The following APIP variants were observed in gnomAD, a reference collection of about 807,000 sequenced individuals.
APIP encodes the protein APAF1 interacting protein.
APIP carries 32 observed loss-of-function variants against 32.0 expected under a neutral mutation model. The ratio of observed to expected loss-of-function variants is 1.00; its 90% CI spans 0.76 to 1.34. APIP has a LOEUF of 1.34. Among genes scored for constraint, APIP ranks in the 40% most tolerant of loss-of-function variants. The pLI is 0.00. For synonymous variants in APIP, 92 were observed against 94.8 expected (o/e 0.97, Z 0.17); for missense variants, 247 against 298.6 (o/e 0.83, Z 1.27).
At chr11:34,885,216 T>G (rs1325316442) in intron 5 of APIP, among the ~76,000 whole-genome samples, 1 of 148,270 alleles carries the variant, frequency 6.7e-6, no homozygotes, top group Non-Finnish European at 1.5e-5. Flanking sequence ...ATATGTATAT[T>G]ATATATGTAT....
At chr11:34,899,999 G>GA (rs993811628) in intron 1 of APIP, among the ~76,000 whole-genome samples, 6 of 152,176 alleles carry the variant, frequency 3.9e-5, no homozygotes, top group African/African-American at 7.2e-5. Context: ...AGACTTTGAA[G>GA]AAAAAATGCC....
chr11:34,885,028 A>G (rs1853039582), intron 5 of APIP, among the ~76,000 whole-genome samples: 1 of 150,700 alleles, frequency 6.6e-6, no homozygotes, highest in Non-Finnish European at 1.5e-5. Flanking sequence ...ATTGCTTCTG[A>G]AAGGGAGTAC....
intron 1 of APIP, among the ~76,000 whole-genome samples, chr11:34,904,788 A>G (rs1337597022): frequency 6.6e-6 from 1 of 152,230 alleles, no homozygotes; most frequent in Non-Finnish European, 1.5e-5. Context: ...CGACTCCTGG[A>G]TACATTATAT....
chr11:34,906,139 G>A (rs74522193), intron 1 of APIP, among the ~76,000 whole-genome samples: 1,616 of 151,772 alleles, frequency 0.011, 14 homozygotes, highest in African/African-American at 0.017. Context: ...CCACAATTTA[G>A]AACTGTCTCT....
At chr11:34,902,946 C>T (rs1038838923) in intron 1 of APIP, among the ~76,000 whole-genome samples, 3 of 151,932 alleles carry the variant, frequency 2.0e-5, no homozygotes, top group African/African-American at 7.3e-5. Flanking sequence ...CTCTACTGGT[C>T]CCAGAAGCCT....
rs115059916 is a variant in APIP at position 34,899,872 on chromosome 11, G to T, written c.58-4762C>A. Reference sequence around the variant, plus strand: ...TCCACCCTGGGTCATATACAGAAAGGAAGGAGACTAAAAGGACACTTTTAT... The same window carrying T: ...TCCACCCTGGGTCATATACAGAAAGTAAGGAGACTAAAAGGACACTTTTAT... On this transcript the variant is annotated intron_variant, in intron 1 of 6. Transcript: ENST00000395787. Among the ~76,000 whole-genome samples the T allele has an allele frequency of 2.9e-3, 443 of 152,346 alleles. 2 individuals are homozygous for T. The highest frequency in any genetic ancestry group is 0.01 in the African/African-American group (429 of 41,572).
In APIP at chr11:34,909,052, G is replaced by A. The variant is rs187755118; in HGVS notation, c.57+7176C>T. On this transcript the variant is annotated intron_variant, in intron 1 of 6. Transcript: ENST00000395787. ...CAGTGGTCAAGAAAGCAAAAGCCCA[G>A]AAGAGCAGGGAGGCTGCTGAAAGAG... is the stretch of plus-strand genomic sequence containing the variant. Among the ~76,000 whole-genome samples, 364 of 152,324 alleles carry A rather than the reference G, an allele frequency of 2.4e-3. 1 individual carries two copies. The highest frequency in any genetic ancestry group is 8.3e-3 in the African/African-American group (343 of 41,572).
chr11:34,885,206 ATATG>A (rs1486778767), intron 5 of APIP, among the ~76,000 whole-genome samples: 1 of 148,232 alleles, frequency 6.7e-6, no homozygotes, highest in Non-Finnish European at 1.5e-5. Flanking sequence ...ATATAACTAT[ATATG>A]TATATTATAT....
intron 1 of APIP, among the ~76,000 whole-genome samples, chr11:34,902,001 C>A (rs777478865): frequency 1.1e-4 from 16 of 152,146 alleles, no homozygotes; most frequent in Non-Finnish European, 4.4e-5. Flanking sequence ...AGTGCAGAAG[C>A]CCAGTGGGGA....
rs752124751 is a variant in APIP, at chr11:34,895,028, C to T, written c.140G>A (p.Gly47Glu). The change falls in exon 2 of 7, where the codon GGA (glycine) becomes GAA (glutamate). Residue 47 changes from glycine (G) to glutamate (E), a missense_variant. Transcript: ENST00000395787. ...AACTTACCCATGCTTCAAGCTAATT[C>T]CTCCTCCAGTCCCAGTGACCCAGCC... ...HLGWVTGTGGGISLKHGDEIY... is the reference protein window; with the variant it reads ...HLGWVTGTGGEISLKHGDEIY... The T allele has an allele frequency of 6.2e-7, 1 of 1,614,030 alleles. No homozygotes were observed. Among genetic ancestry groups the T allele is most frequent in the Non-Finnish European group, 8.5e-7 (1 of 1,179,912 alleles).
intron 1 of APIP, among the ~76,000 whole-genome samples, chr11:34,910,136 A>G (rs907505518): frequency 1.3e-5 from 2 of 152,366 alleles, no homozygotes; most frequent in South Asian, 4.1e-4. Flanking sequence ...GCAAGGCCAG[A>G]CAACAAAGTT....
chr11:34,904,656 A>T (rs1364343603), intron 1 of APIP, among the ~76,000 whole-genome samples: 4 of 152,184 alleles, frequency 2.6e-5, no homozygotes, highest in African/African-American at 9.6e-5. Context: ...ACCTCTGTTT[A>T]ACCCAGGAGA....
chr11:34,903,740 T>G (rs764714982), intron 1 of APIP, among the ~76,000 whole-genome samples: 15 of 152,088 alleles, frequency 9.9e-5, no homozygotes, highest in Admixed American at 7.2e-4. Context: ...GAAGGCTCCA[T>G]AAGAGAAATT....
At chr11:34,900,277 A>C (rs373941003) in intron 1 of APIP, among the ~76,000 whole-genome samples, 1 of 152,194 alleles carries the variant, frequency 6.6e-6, no homozygotes, top group Non-Finnish European at 1.5e-5. Flanking sequence ...AGTAGGTTCC[A>C]AAGGAGCAAT....
rs898638011 is a variant in APIP, at chr11:34,910,395, C to T, written c.57+5833G>A. ...TCTAATGACTCTTTCAATAGTGTTG[C>T]TATAAAGAAGGGCTAGACAGGGAAA... On this transcript the variant is annotated intron_variant, in intron 1 of 6. Transcript: ENST00000395787. Among the ~76,000 whole-genome samples, 8 of 152,014 alleles carry T rather than the reference C, an allele frequency of 5.3e-5. No individual in the cohort carries two copies. The East Asian group carries it at 1.5e-3, about 29-fold the overall frequency.
chr11:34,916,023 GC>G, intron 1 of APIP: 1 of 649,702 alleles, frequency 1.5e-6, no homozygotes, highest in Non-Finnish European at 2.5e-6. Context: ...GGAGCGCCCC[GC>G]CCGAGACCAC....
intron 1 of APIP, among the ~76,000 whole-genome samples, chr11:34,913,396 T>C (rs1272279624): frequency 1.3e-5 from 2 of 152,156 alleles, no homozygotes; most frequent in Non-Finnish European, 2.9e-5. Context: ...ACGGAGTTTG[T>C]TCGTTCAGAT....
chr11:34,912,125 G>C (rs927943844), intron 1 of APIP, among the ~76,000 whole-genome samples: 1 of 152,056 alleles, frequency 6.6e-6, no homozygotes, highest in African/African-American at 2.4e-5. Flanking sequence ...TGTAAAACCA[G>C]GTCAGAGATT....
At chr11:34,885,870 T>G (rs1347673845) in intron 5 of APIP, among the ~76,000 whole-genome samples, 2 of 152,150 alleles carry the variant, frequency 1.3e-5, no homozygotes, top group Non-Finnish European at 2.9e-5. Flanking sequence ...AATGACCGCA[T>G]AGCTGTCATA....
Sources: allele counts gnomAD v4.1 joint callset (sites outside exome capture counted in the v4.1 genomes callset), GRCh38; gene constraint gnomAD v4.1.1; transcripts MANE v1.5; gene names NCBI Gene and HGNC (gene_info 2026-07-23, HGNC 2026-07-21).